ZNF586: variants seen among roughly 807,000 people sequenced by gnomAD.
The protein encoded by ZNF586 is zinc finger protein 586.
Under a neutral mutation model 6.7 loss-of-function variants are expected in ZNF586, and 7 were observed. The ratio of observed to expected loss-of-function variants is 1.04; its 90% CI spans 0.59 to 1.95. The LOEUF (loss-of-function observed/expected upper bound fraction) is 1.95. ZNF586 is among the 30% of genes most tolerant of loss of function. The pLI, the probability that ZNF586 is intolerant of heterozygous loss-of-function variation, is 0.00. For synonymous variants in ZNF586, 166 were observed against 168.7 expected (o/e 0.98, Z 0.12); for missense variants, 442 against 489.6 (o/e 0.90, Z 0.92).
At chr19:57,775,893 C>T (rs904261739) in intron 1 of ZNF586, among the ~76,000 whole-genome samples, 6 of 152,204 alleles carry the variant, frequency 3.9e-5, no homozygotes, top group Middle Eastern at 3.2e-3. Flanking sequence ...TGCGCCACCG[C>T]GCCCGGCCAC....
chr19:57,773,543 A>T (rs1305949889), intron 1 of ZNF586, among the ~76,000 whole-genome samples: 7 of 151,388 alleles, frequency 4.6e-5, no homozygotes, highest in African/African-American at 1.7e-4. Flanking sequence ...AGCTGGGATT[A>T]TAGGTGCCTG....
chr19:57,770,747 G>A (rs1317089127), intron 1 of ZNF586, among the ~76,000 whole-genome samples: 4 of 152,198 alleles, frequency 2.6e-5, no homozygotes, highest in African/African-American at 9.6e-5. Flanking sequence ...CTGCCTTTTG[G>A]CACACCTCAT....
intron 1 of ZNF586, among the ~76,000 whole-genome samples, chr19:57,774,216 C>CAA (rs34864063): frequency 7.3e-4 from 50 of 68,926 alleles, no homozygotes; most frequent in African/African-American, 2.0e-3. Flanking sequence ...AACTCCGTCT[C>CAA]AAAAAAAAAA....
chr19:57,774,885 C>A, intron 1 of ZNF586: 1 of 300,176 alleles, frequency 3.3e-6, no homozygotes, highest in Non-Finnish European at 4.9e-6. Context: ...GTGCAAATCT[C>A]CCTCCCCACT....
chr19:57,777,729 C>A, intron 2 of ZNF586, among the ~76,000 whole-genome samples: 1 of 141,972 alleles, frequency 7.0e-6, no homozygotes. Flanking sequence ...TTTTGTATTA[C>A]GAAGTATATA....
At chr19:57,776,794 T>C (rs1987249188) in intron 2 of ZNF586, 125 bp downstream of exon 2, 18 of 1,223,198 alleles carry the variant, frequency 1.5e-5, no homozygotes, top group Non-Finnish European at 1.9e-5. Flanking sequence ...GAGGTTCTGT[T>C]GTTGGTCGGA....
Position 57,769,887 on chromosome 19 carries a change from T to A in ZNF586, c.36+9T>A, listed in dbSNP as rs1182374063. 5 of 1,538,344 alleles carry A rather than the reference T, an allele frequency of 3.3e-6. No individual in the cohort carries two copies. The highest frequency in any genetic ancestry group is 3.5e-6 in the Non-Finnish European group (4 of 1,141,584). On this transcript the variant is annotated intron_variant, in intron 1 of 2. Transcript: ENST00000396154. ...TGAGGGCGCCTGCTCAGGTGAGCGC[T>A]GCGACCTCCGGGCCTTACCCACCCT... is the stretch of plus-strand genomic sequence containing the variant.
chr19:57,769,948 C>A (rs1987049023), intron 1 of ZNF586, 70 bp downstream of exon 1: 2 of 1,068,470 alleles, frequency 1.9e-6, no homozygotes, highest in East Asian at 8.5e-5. Flanking sequence ...ATCGTGAGGG[C>A]CGCCTCCTCG....
rs1987330153 is a variant in ZNF586 at position 57,779,498 on chromosome 19, A to G, written c.911A>G (p.Asn304Ser). Residue 304 changes from asparagine (N) to serine (S), a missense_variant, in exon 3 of 3, where the codon AAC becomes AGC. Transcript: ENST00000396154. Reference protein sequence around the residue: ...ECGKSFSLRSNLIHHQRVHTG... With the variant: ...ECGKSFSLRSSLIHHQRVHTG... Reference sequence around the variant, plus strand: ...GGGAAATCCTTTAGCTTAAGGTCCAACCTCATTCACCATCAGCGAGTTCAT... The same window carrying G: ...GGGAAATCCTTTAGCTTAAGGTCCAGCCTCATTCACCATCAGCGAGTTCAT... 1.2e-6 allele frequency: 2 copies of G among 1,614,024 alleles called. No individual in the cohort carries two copies. The highest frequency in any genetic ancestry group is 2.2e-5 in the South Asian group (2 of 91,068).
At position 57,779,379 on chromosome 19, in the gene ZNF586, CGT is replaced by C. The variant is rs763216803; in HGVS notation, c.793_794del (p.Val265Ter). On this transcript the variant is annotated frameshift_variant, in exon 3 of 3. Transcript: ENST00000396154. LOFTEE classifies it low-confidence loss of function (END_TRUNC). The stretch of plus-strand genomic sequence containing the variant: ...ACACAGGAGAAAGGCCTTATGAATG[CGT>C]TGAGTGTGGAAAATCATTTCGCCGA... ...VHTGERPYECVECGKSFRRSS... is the reference protein window; with the variant it reads ...VHTGERPYECXECGKSFRRSS... The C allele has an allele frequency of 6.2e-7, 1 of 1,612,760 alleles. No individual in the cohort carries two copies. The highest frequency in any genetic ancestry group is 8.5e-7 in the Non-Finnish European group (1 of 1,179,860).
chr19:57,779,181 A>G lies in ZNF586; in HGVS notation c.594A>G (p.Lys198=), dbSNP rs192700732. 2.5e-6 allele frequency: 4 copies of G among 1,613,824 alleles called. No homozygotes were observed. In the Admixed American group the frequency reaches 5.0e-5, roughly 20 times the overall value. Residue 198 remains lysine (K), a synonymous_variant, in exon 3 of 3, where the codon AAA becomes AAG. Coordinates refer to ENST00000396154, the MANE Select transcript of ZNF586 (RefSeq NM_017652.4). The part of the protein sequence containing the change: ...AEKSSLINHR[K]VHSGAKRYEC... ...AGTCCAGTCTCATTAACCACAGGAA[A>G]GTTCACTCTGGAGCAAAGCGTTATG...
At chr19:57,776,992 T>G (rs1158588615) in intron 2 of ZNF586, among the ~76,000 whole-genome samples, 1 of 152,184 alleles carries the variant, frequency 6.6e-6, no homozygotes, top group Non-Finnish European at 1.5e-5. Flanking sequence ...TCCGTTTCCC[T>G]CCTTTAGTTC....
At position 57,769,850 on chromosome 19, in the gene ZNF586, CAGCAGCCGCTCTG is replaced by C. The variant is rs1568481812; in HGVS notation, c.11_23del (p.Ala4GlyfsTer8). 1.3e-6 allele frequency: 2 copies of C among 1,542,934 alleles called. No individual in the cohort carries two copies. The highest frequency in any genetic ancestry group is 8.7e-7 in the Non-Finnish European group (1 of 1,145,348). ...CCCCCCCCGCCCAGAGTCATGGCGG[CAGCAGCCGCTCTG>C]AGGGCGCCTGCTCAGGTGAGCGCTG... On this transcript the variant is annotated frameshift_variant, in exon 1 of 3. Transcript: ENST00000396154. LOFTEE classifies it high-confidence loss of function.
chr19:57,771,126 C>T (rs908471879), intron 1 of ZNF586, among the ~76,000 whole-genome samples: 17 of 151,832 alleles, frequency 1.1e-4, no homozygotes, highest in Non-Finnish European at 2.4e-4. Context: ...ACGGTGAAAT[C>T]CCCCCTCTAC....
At chr19:57,772,727 A>G (rs911005427) in intron 1 of ZNF586, among the ~76,000 whole-genome samples, 1 of 152,174 alleles carries the variant, frequency 6.6e-6, no homozygotes, top group Non-Finnish European at 1.5e-5. Flanking sequence ...CCATCCAGGA[A>G]CTTCCATGTG....
rs950341420 is a variant in ZNF586, at chr19:57,774,761, C to A, written c.37-1782C>A. The A allele has an allele frequency of 3.0e-6, 3 of 985,060 alleles. No homozygotes were observed. In the African/African-American group the frequency reaches 5.2e-5, roughly 17 times the overall value. 61.0% of individuals were successfully genotyped at this position (985,060 alleles called of 1,614,324 possible). A position where few individuals can be genotyped will look rare whatever the true frequency, so the allele number is the denominator to read the frequency against. On this transcript the variant is annotated intron_variant, in intron 1 of 2. Coordinates refer to ENST00000396154, the MANE Select transcript of ZNF586 (RefSeq NM_017652.4). ...TAATTTTGGATTCCTTTTTAATTTA[C>A]CAAGACTACTGTGGATGATGTCAGC...
In ZNF586 at chr19:57,776,633, G is replaced by C; in HGVS notation, c.127G>C (p.Val43Leu). 1 of 1,611,138 alleles carries C rather than the reference G, an allele frequency of 6.2e-7. No homozygotes were observed. The highest frequency in any genetic ancestry group is 1.7e-4 in the Middle Eastern group (1 of 6,034). Residue 43 changes from valine (V) to leucine (L), a missense_variant, in exon 2 of 3, where the codon GTG (valine) becomes CTG (leucine). By Grantham distance (32) the Val-to-Leu change is conservative. Transcript: ENST00000396154. ...NEAQRCLYRD[V>L]MLETLTLISS... Reference sequence around the variant, plus strand: ...GGCTCAGAGATGCCTGTACCGTGACGTGATGCTGGAGACCTTGACACTTAT... The same window carrying C: ...GGCTCAGAGATGCCTGTACCGTGACCTGATGCTGGAGACCTTGACACTTAT...
At chr19:57,778,630 A>G in intron 2 of ZNF586, 121 bp from the exon 3 acceptor site, 1 of 900,890 alleles carries the variant, frequency 1.1e-6, no homozygotes, top group African/African-American at 1.7e-5. Context: ...ACCTGAACCC[A>G]ACTCCCTGTT....
chr19:57,779,501 T>G lies in ZNF586; in HGVS notation c.914T>G (p.Leu305Arg). 6.2e-7 allele frequency: 1 copy of G among 1,614,192 alleles called. No homozygotes were observed. Among genetic ancestry groups the G allele is most frequent in the South Asian group, 1.1e-5 (1 of 91,084 alleles). The change falls in exon 3 of 3, where the codon CTC (leucine) becomes CGC (arginine). Residue 305 changes from leucine to arginine, a missense_variant. Transcript: ENST00000396154. ...AAATCCTTTAGCTTAAGGTCCAACCTCATTCACCATCAGCGAGTTCATACT... is the reference window on the plus strand; with the variant it reads ...AAATCCTTTAGCTTAAGGTCCAACCGCATTCACCATCAGCGAGTTCATACT... ...CGKSFSLRSNLIHHQRVHTGE... is the reference protein window; with the variant it reads ...CGKSFSLRSNRIHHQRVHTGE...
Sources: allele counts gnomAD v4.1 joint callset (sites outside exome capture counted in the v4.1 genomes callset), GRCh38; gene constraint gnomAD v4.1.1; transcripts MANE v1.5; gene names NCBI Gene and HGNC (gene_info 2026-07-23, HGNC 2026-07-21).